The following KLHL15 variants were observed in gnomAD, a reference collection of about 807,000 sequenced individuals.
The protein encoded by KLHL15 is kelch like family member 15, also known as kelch-like protein 15.
In KLHL15, 1 loss-of-function variant was observed where a neutral mutation model predicts 29.3. The observed-to-expected ratio is 0.03, with a 90% CI of 0.01 to 0.16. The LOEUF is 0.16. Ranked by LOEUF, KLHL15 falls within the 10% of genes least tolerant of loss-of-function variation. KLHL15 has a pLI of 1.00. For missense variants in KLHL15, 215 were observed against 478.5 expected, an observed-to-expected ratio of 0.45 and a Z score of 5.14; for synonymous variants, 212 against 184.5, an observed-to-expected ratio of 1.15 and a Z score of -1.21.
intron 3 of KLHL15, among the ~76,000 whole-genome samples, chrX:23,992,920 G>A (rs992411680): frequency 8.9e-6 from 1 of 111,906 alleles, no homozygotes; most frequent in Non-Finnish European, 1.9e-5. Flanking sequence ...ACTTGACGAA[G>A]TAAGAGATGT....
rs567341830 is a variant in KLHL15 at position 23,992,182 on chromosome X, T to C, written c.706-3152A>G. On this transcript the variant is annotated intron_variant, in intron 3 of 3. Transcript: ENST00000328046. ...TTGGCACTCATGAGCTGTGGCAATC[T>C]TGGGCACATAGCTCAATATCTTTAA... Among the ~76,000 whole-genome samples, 16 of 112,160 alleles carry C rather than the reference T, an allele frequency of 1.4e-4. No homozygotes were observed. The South Asian group carries it at 5.9e-3, about 42-fold the overall frequency.
At chrX:24,019,146 A>C (rs1177816168) in intron 2 of KLHL15, among the ~76,000 whole-genome samples, 1 of 112,707 alleles carries the variant, frequency 8.9e-6, no homozygotes, top group Non-Finnish European at 1.9e-5. Flanking sequence ...CCAGATATTA[A>C]AGAGATATGC....
intron 2 of KLHL15, among the ~76,000 whole-genome samples, chrX:24,024,454 G>T (rs1929877730): frequency 8.9e-6 from 1 of 111,761 alleles, no homozygotes; most frequent in Admixed American, 9.6e-5. Context: ...TCATAGATAA[G>T]AAACCAAGGC....
intron 3 of KLHL15, 135 bp downstream of exon 3, chrX:24,005,854 A>G (rs183152140): frequency 8.3e-6 from 4 of 484,230 alleles, no homozygotes; most frequent in African/African-American, 7.1e-5. Flanking sequence ...TATGTTATTC[A>G]TTCTTGAATA....
At chrX:24,002,710 C>T (rs1167566665) in intron 3 of KLHL15, among the ~76,000 whole-genome samples, 2 of 109,796 alleles carry the variant, frequency 1.8e-5, no homozygotes, top group Non-Finnish European at 3.8e-5. Flanking sequence ...TCACTGCAAC[C>T]TCGACCTCCT....
rs1165419053 is a variant in KLHL15 at position 23,989,674 on chromosome X, T to C, written c.706-644A>G. ...CATCATAAAGCTGTGACTGAATCAT[T>C]TGGGGAGTTAAGTTAGTGAAAATTT... On this transcript the variant is annotated intron_variant, in intron 3 of 3. Transcript: ENST00000328046. Among the ~76,000 whole-genome samples the C allele has an allele frequency of 2.7e-5, 3 of 111,342 alleles. 1 individual carries two copies. The East Asian group carries it at 8.4e-4, about 31-fold the overall frequency.
chrX:23,987,267 G>C lies in KLHL15; in HGVS notation c.*654C>G, dbSNP rs937553371. 2 of 112,017 alleles carry C rather than the reference G, an allele frequency of 1.8e-5. No individual in the cohort carries two copies. The highest frequency in any genetic ancestry group is 6.5e-5 in the African/African-American group (2 of 30,934). 9.2% of individuals were successfully genotyped at this position (112,017 alleles called of 1,213,427 possible). A position where few individuals can be genotyped will look rare whatever the true frequency, so the allele number is the denominator to read the frequency against. On this transcript the variant is annotated 3_prime_UTR_variant, in exon 4 of 4. Coordinates refer to ENST00000328046, the MANE Select transcript of KLHL15 (RefSeq NM_030624.3). ...ACTGTGTGTGCAAGTAAGTGCACTA[G>C]CTTAAAAATATAGAATCCTAACCAC...
At chrX:23,993,904 G>A (rs1929133879) in intron 3 of KLHL15, among the ~76,000 whole-genome samples, 1 of 108,243 alleles carries the variant, frequency 9.2e-6, no homozygotes, top group Non-Finnish European at 1.9e-5. Context: ...AAAATAGCTA[G>A]GCGTGGTGGC....
At chrX:24,003,848 G>GAGGC (rs1335721116) in intron 3 of KLHL15, among the ~76,000 whole-genome samples, 5 of 108,349 alleles carry the variant, frequency 4.6e-5, no homozygotes, top group Non-Finnish European at 7.6e-5. Flanking sequence ...AGCACTCTGG[G>GAGGC]AGGCCGAGGC....
intron 3 of KLHL15, among the ~76,000 whole-genome samples, chrX:23,998,381 C>T (rs1047655109): frequency 5.4e-5 from 6 of 110,496 alleles, no homozygotes; most frequent in Admixed American, 9.7e-5. Flanking sequence ...CTCAGCCTCC[C>T]GAGTAGCTGG....
At chrX:24,008,120 T>C (rs1215860347) in intron 2 of KLHL15, among the ~76,000 whole-genome samples, 4 of 112,307 alleles carry the variant, frequency 3.6e-5, no homozygotes, top group Admixed American at 9.5e-5. Context: ...GTAATGCTTA[T>C]ATATTTAAAA....
chrX:24,025,139 G>T (rs981039742), intron 1 of KLHL15, 81 bp from the exon 2 acceptor site: 3 of 291,235 alleles, frequency 1.0e-5, no homozygotes, highest in Non-Finnish European at 1.8e-5. Flanking sequence ...GGCCCGGACC[G>T]ACCTTGCCAA....
At chrX:24,001,802 C>CAAAAAAAAAA (rs766669649) in intron 3 of KLHL15, among the ~76,000 whole-genome samples, 1 of 22,670 alleles carries the variant, frequency 4.4e-5, no homozygotes, top group Non-Finnish European at 7.6e-5. Context: ...AGACTTGACT[C>CAAAAAAAAAA]AAAAAAAAAA....
At chrX:23,995,947 C>T (rs1233567440) in intron 3 of KLHL15, among the ~76,000 whole-genome samples, 1 of 109,918 alleles carries the variant, frequency 9.1e-6, no homozygotes, top group African/African-American at 3.3e-5. Flanking sequence ...TGGGGTTTCA[C>T]CATGTTAGCA....
rs972864361 is a variant in KLHL15 at position 24,024,895 on chromosome X, T to C, written c.-46A>G. 2.0e-4 allele frequency: 59 copies of C among 295,460 alleles called. No homozygotes were observed. The highest frequency in any genetic ancestry group is 5.3e-5 in the Non-Finnish European group (9 of 169,535). The allele number at this position is 295,460 out of a possible 1,213,427, so 24.3% of individuals were successfully genotyped here. A position where few individuals can be genotyped will look rare whatever the true frequency, so the allele number is the denominator to read the frequency against. ...GTCCAGCCTCTAGTGGACGGCAGTC[T>C]GCATCAGGAAGAACCGGGCCAGCGG... On this transcript the variant is annotated 5_prime_UTR_variant, in exon 2 of 4. Transcript: ENST00000328046.
At position 24,006,720 on chromosome X, in the gene KLHL15, A is replaced by G. The variant is rs1929451279; in HGVS notation, c.-7-20T>C. On this transcript the variant is annotated intron_variant, in intron 2 of 3. Coordinates refer to ENST00000328046, the MANE Select transcript of KLHL15 (RefSeq NM_030624.3). Reference sequence around the variant, plus strand: ...AATCACCTGGAAAAAAATCAAAGACAACAATGTTAAACACTTCCATGCATT... The same window carrying G: ...AATCACCTGGAAAAAAATCAAAGACGACAATGTTAAACACTTCCATGCATT... 9.7e-7 allele frequency: 1 copy of G among 1,030,020 alleles called. No homozygotes were observed. Among genetic ancestry groups the G allele is most frequent in the East Asian group, 3.2e-5 (1 of 31,389 alleles). 84.9% of individuals were successfully genotyped at this position (1,030,020 alleles called of 1,213,427 possible).
At chrX:23,997,708 T>C (rs1200900530) in intron 3 of KLHL15, among the ~76,000 whole-genome samples, 1 of 74,070 alleles carries the variant, frequency 1.4e-5, no homozygotes, top group East Asian at 5.2e-4. Context: ...TTCAGCCTGG[T>C]CAACAGAGTG....
At position 24,023,467 on chromosome X, in the gene KLHL15, T is replaced by C. The variant is rs539131481; in HGVS notation, c.-8+1390A>G. Reference sequence around the variant, plus strand: ...TTGGACTAGAGGATTATAAATTTAATAAAACATCTAACTACTCAAAACCAT... The same window carrying C: ...TTGGACTAGAGGATTATAAATTTAACAAAACATCTAACTACTCAAAACCAT... On this transcript the variant is annotated intron_variant, in intron 2 of 3. Transcript: ENST00000328046. 3.2e-4 allele frequency among the ~76,000 whole-genome samples: 36 copies of C among 112,257 alleles called. No individual in the cohort carries two copies. The South Asian group carries it at 0.012, about 38-fold the overall frequency.
chrX:24,008,173 C>T (rs1367430977), intron 2 of KLHL15, among the ~76,000 whole-genome samples: 2 of 111,802 alleles, frequency 1.8e-5, no homozygotes, highest in African/African-American at 6.5e-5. Flanking sequence ...CAAATCTTTC[C>T]ATATCAGAGA....
Sources: allele counts gnomAD v4.1 joint callset (sites outside exome capture counted in the v4.1 genomes callset), GRCh38; gene constraint gnomAD v4.1.1; transcripts MANE v1.5; gene names NCBI Gene and HGNC (gene_info 2026-07-23, HGNC 2026-07-21).